Variants in SIN3B observed in about 807,000 individuals in gnomAD.
SIN3B encodes SIN3 transcription regulator family member B, also known as paired amphipathic helix protein Sin3b.
Under a neutral mutation model 120.2 loss-of-function variants are expected in SIN3B, and 19 were observed. The ratio of observed to expected loss-of-function variants is 0.16; its 90% CI spans 0.11 to 0.23. The LOEUF is 0.23. Ranked by LOEUF, SIN3B falls within the 10% of genes least tolerant of loss-of-function variation. The pLI, the probability that SIN3B is intolerant of heterozygous loss-of-function variation, is 1.00. For missense variants in SIN3B, 1,073 were observed against 1,573.0 expected (o/e 0.68, Z 5.38); for synonymous variants, 654 against 653.2 (o/e 1.00, Z -0.02).
chr19:16,853,895 T>C (rs1481389754), intron 7 of SIN3B, among the ~76,000 whole-genome samples: 1 of 151,412 alleles, frequency 6.6e-6, no homozygotes, highest in African/African-American at 2.4e-5. Flanking sequence ...ATCACGTGCC[T>C]GTGCTGTGTG....
intron 10 of SIN3B, among the ~76,000 whole-genome samples, chr19:16,864,554 A>T (rs1390021164): frequency 6.6e-6 from 1 of 150,468 alleles, no homozygotes; most frequent in African/African-American, 2.4e-5. Context: ...CTGGTCTCAC[A>T]CTCCTGGCCT....
At chr19:16,838,743 C>T (rs1971379481) in intron 3 of SIN3B, among the ~76,000 whole-genome samples, 2 of 152,026 alleles carry the variant, frequency 1.3e-5, no homozygotes, top group African/African-American at 4.8e-5. Context: ...GGGGTCTCAG[C>T]TCACTAAAAC....
Position 16,878,861 on chromosome 19 carries a change from A to G in SIN3B, c.*134A>G, listed in dbSNP as rs2051651658. 2.4e-6 allele frequency: 2 copies of G among 824,326 alleles called. No individual in the cohort carries two copies. The allele number at this position is 824,326 out of a possible 1,614,324, so 51.1% of individuals were successfully genotyped here. A position where few individuals can be genotyped will look rare whatever the true frequency, so the allele number is the denominator to read the frequency against. On this transcript the variant is annotated 3_prime_UTR_variant, in exon 19 of 19. Coordinates refer to ENST00000248054, the MANE Select transcript of SIN3B (RefSeq NM_001297595.2). ...CCTCTGCTGCCGGACAGCGCACTCC[A>G]GGGCAGGACGCCGCCCCCGTGGCTC...
At chr19:16,831,056 T>A (rs1971272151) in intron 2 of SIN3B, among the ~76,000 whole-genome samples, 1 of 147,700 alleles carries the variant, frequency 6.8e-6, no homozygotes, top group African/African-American at 2.5e-5. Context: ...TGCTATCACA[T>A]GGGGGCACTT....
At chr19:16,850,832 C>T (rs993051582) in intron 5 of SIN3B, among the ~76,000 whole-genome samples, 17 of 152,224 alleles carry the variant, frequency 1.1e-4, no homozygotes, top group African/African-American at 3.9e-4. Context: ...CAAGCATCCT[C>T]GACCTGTTAG....
chr19:16,856,928 AG>A (rs533028137), intron 8 of SIN3B, among the ~76,000 whole-genome samples: 24 of 152,190 alleles, frequency 1.6e-4, no homozygotes, highest in African/African-American at 4.6e-4. Flanking sequence ...TAACATGATC[AG>A]TCCATTCAGT....
At chr19:16,877,713 G>A in intron 17 of SIN3B, 74 bp downstream of exon 17, 1 of 1,087,200 alleles carries the variant, frequency 9.2e-7, no homozygotes, top group Non-Finnish European at 1.4e-6. Flanking sequence ...TCCTGACGGG[G>A]GCTGGACCAT....
intron 3 of SIN3B, among the ~76,000 whole-genome samples, chr19:16,834,361 C>G (rs1263826889): frequency 6.6e-6 from 1 of 152,152 alleles, no homozygotes; most frequent in Non-Finnish European, 1.5e-5. Flanking sequence ...AGTCCCTGCC[C>G]GTGGAGTAAC....
Position 16,831,504 on chromosome 19 carries a change from C to T in SIN3B, c.238C>T (p.Pro80Ser). 1 of 1,614,088 alleles carries T rather than the reference C, an allele frequency of 6.2e-7. No homozygotes were observed. Among genetic ancestry groups the T allele is most frequent in the Non-Finnish European group, 8.5e-7 (1 of 1,179,958 alleles). Reference sequence around the variant, plus strand: ...CGTTGTTTCTTCTAGCATCGATACTCCTGGAGTCATCAGACGTGTCTCGCA... The same window carrying T: ...CGTTGTTTCTTCTAGCATCGATACTTCTGGAGTCATCAGACGTGTCTCGCA... ...KEFKSQSIDT[P>S]GVIRRVSQLF... Residue 80 changes from proline (P) to serine (S), a missense_variant, in exon 3 of 19, where the codon CCT becomes TCT. Physicochemically the swap from Pro to Ser is moderately conservative, Grantham distance 74 (BLOSUM62 -1). Coordinates refer to ENST00000248054, the MANE Select transcript of SIN3B (RefSeq NM_001297595.2).
intron 4 of SIN3B, among the ~76,000 whole-genome samples, chr19:16,842,863 G>A (rs376102697): frequency 3.3e-5 from 5 of 152,294 alleles, no homozygotes; most frequent in African/African-American, 1.2e-4. Context: ...CATATCAGTC[G>A]GAACCAGTAG....
Position 16,876,096 on chromosome 19 carries a change from G to A in SIN3B, c.2634G>A (p.Val878=), listed in dbSNP as rs760803530. Residue 878 remains valine (V), a synonymous_variant, in exon 15 of 19, where the codon GTG becomes GTA. Transcript: ENST00000248054. The surrounding 1 kb of genome is among the most constrained non-coding windows in gnomAD (Gnocchi z 7.1). ...GCGATGACGTCTGCCTGAAGGTGGT[G>A]GAGCTCTACCTGAACGAGAAGAAGC... ...LVSDDVCLKV[V]ELYLNEKKRG... 1.3e-6 allele frequency: 2 copies of A among 1,590,148 alleles called. No homozygotes were observed. Among genetic ancestry groups the A allele is most frequent in the Non-Finnish European group, 1.7e-6 (2 of 1,169,536 alleles).
At chr19:16,830,775 G>A (rs1192799234) in intron 2 of SIN3B, among the ~76,000 whole-genome samples, 1 of 152,210 alleles carries the variant, frequency 6.6e-6, no homozygotes, top group Non-Finnish European at 1.5e-5. Context: ...TTTATGCATT[G>A]CAATTGTTTG....
rs369530949 is a variant in SIN3B at position 16,878,670 on chromosome 19, C to T, written c.3336C>T (p.His1112=). ...CKTLCETVHV[H]GLPVTRYRVQ... Reference sequence around the variant, plus strand: ...CGCTGTGTGAGACAGTGCACGTGCACGGCCTGCCCGTGACCCGCTACCGCG... The same window carrying T: ...CGCTGTGTGAGACAGTGCACGTGCATGGCCTGCCCGTGACCCGCTACCGCG... Residue 1112 remains histidine, a synonymous_variant, in exon 19 of 19, where the codon CAC becomes CAT. Coordinates refer to ENST00000248054, the MANE Select transcript of SIN3B (RefSeq NM_001297595.2). 27 of 1,612,738 alleles carry T rather than the reference C, an allele frequency of 1.7e-5. No homozygotes were observed. The highest frequency in any genetic ancestry group is 4.5e-5 in the East Asian group (2 of 44,874).
At chr19:16,865,041 C>T (rs1369721884) in intron 10 of SIN3B, 2 of 168,820 alleles carry the variant, frequency 1.2e-5, no homozygotes, top group South Asian at 1.7e-4. Flanking sequence ...CTATGTTGGT[C>T]GGGCTGGTCT....
chr19:16,878,744 C>T lies in SIN3B; in HGVS notation c.*17C>T, dbSNP rs1310240225. The stretch of plus-strand genomic sequence containing the variant: ...TCGCCCTGACCCGCCCTCATGGGCA[C>T]CGGGCAGGCGCCTCACAGAGCACAG... On this transcript the variant is annotated 3_prime_UTR_variant, in exon 19 of 19. Transcript: ENST00000248054. 1 of 1,575,234 alleles carries T rather than the reference C, an allele frequency of 6.3e-7. No homozygotes were observed.
At chr19:16,833,153 A>C (rs1240317204) in intron 3 of SIN3B, among the ~76,000 whole-genome samples, 1 of 152,130 alleles carries the variant, frequency 6.6e-6, no homozygotes, top group African/African-American at 2.4e-5. Context: ...CCTTGCCTCG[A>C]GAGTTTTAGC....
rs1971249991 is a variant in SIN3B at position 16,829,515 on chromosome 19, C to T, written c.95C>T (p.Ala32Val). 1 of 1,226,244 alleles carries T rather than the reference C, an allele frequency of 8.2e-7. No homozygotes were observed. 76.0% of individuals were successfully genotyped at this position (1,226,244 alleles called of 1,614,324 possible). Residue 32 changes from alanine to valine, a missense_variant, in exon 1 of 19, where the codon GCA becomes GTA. Physicochemically the swap from Ala to Val is moderately conservative, Grantham distance 64. Transcript: ENST00000248054. ...SGARWGRSGS[A>V]GHEKLPVHVE... is the part of the protein sequence containing the mutation. Reference sequence around the variant, plus strand: ...GCCCGCTGGGGTCGCTCGGGCTCCGCAGGCCACGAGAAGCTGCCGGTGCAC... The same window carrying T: ...GCCCGCTGGGGTCGCTCGGGCTCCGTAGGCCACGAGAAGCTGCCGGTGCAC...
intron 5 of SIN3B, among the ~76,000 whole-genome samples, chr19:16,850,992 C>A (rs1971537245): frequency 6.6e-6 from 1 of 152,226 alleles, no homozygotes; most frequent in African/African-American, 2.4e-5. Context: ...AGTGCCCTGG[C>A]AAACATCAGC....
intron 2 of SIN3B, 77 bp downstream of exon 2, chr19:16,829,974 C>G (rs1971258968): frequency 1.1e-6 from 1 of 935,094 alleles, no homozygotes; most frequent in East Asian, 2.5e-5. Flanking sequence ...GACCTCCCCT[C>G]TCCAGCCTGC....
Sources: allele counts gnomAD v4.1 joint callset (sites outside exome capture counted in the v4.1 genomes callset), GRCh38; gene constraint gnomAD v4.1.1; non-coding constraint Gnocchi (gnomAD v3.1); transcripts MANE v1.5; gene names NCBI Gene and HGNC (gene_info 2026-07-23, HGNC 2026-07-21).